The following MBNL1 variants were observed in gnomAD, a reference collection of about 807,000 sequenced individuals.
MBNL1 encodes the protein muscleblind like splicing regulator 1.
MBNL1 carries 8 observed loss-of-function variants against 42.2 expected under a neutral mutation model. The ratio of observed to expected loss-of-function variants is 0.19; its 90% CI spans 0.11 to 0.34. The LOEUF is 0.34. Among genes scored for constraint, MBNL1 ranks in the 10% least tolerant of loss-of-function variants. The pLI, the probability that MBNL1 is intolerant of heterozygous loss-of-function variation, is 1.00. For synonymous variants in MBNL1, 169 were observed against 173.9 expected (o/e 0.97, Z 0.22); for missense variants, 309 against 495.3 (o/e 0.62, Z 3.57).
intron 2 of MBNL1, among the ~76,000 whole-genome samples, chr3:152,400,168 T>C (rs1197123244): frequency 2.6e-5 from 4 of 152,196 alleles, no homozygotes; most frequent in African/African-American, 7.2e-5. Context: ...TGGTAGACGT[T>C]GTAATTACCT....
chr3:152,332,517 G>A (rs755676428), intron 2 of MBNL1, among the ~76,000 whole-genome samples: 1 of 152,106 alleles, frequency 6.6e-6, no homozygotes, highest in Non-Finnish European at 1.5e-5. Flanking sequence ...AATAATTGAA[G>A]GTAAATAAAC....
chr3:152,367,316 T>C (rs954169432), intron 2 of MBNL1, among the ~76,000 whole-genome samples: 1 of 152,128 alleles, frequency 6.6e-6, no homozygotes, highest in Non-Finnish European at 1.5e-5. Context: ...CTGAGAATGA[T>C]GGTTTCCAGC....
At chr3:152,426,317 C>T (rs1348876120) in intron 3 of MBNL1, among the ~76,000 whole-genome samples, 2 of 152,034 alleles carry the variant, frequency 1.3e-5, no homozygotes, top group African/African-American at 4.8e-5. Flanking sequence ...CAAACCTGCA[C>T]GTTCTGCACA....
chr3:152,338,215 T>C, intron 2 of MBNL1: 4 of 985,452 alleles, frequency 4.1e-6, no homozygotes, highest in Non-Finnish European at 4.8e-6. Context: ...TCTCCATTGC[T>C]TCTTGTGTTC....
intron 1 of MBNL1, among the ~76,000 whole-genome samples, chr3:152,286,530 ATATATTTTATTTATAATATAAATATT>A (rs1211393114): frequency 4.5e-4 from 64 of 141,580 alleles, no homozygotes; most frequent in East Asian, 1.6e-3. Flanking sequence ...TATAATATAA[ATATATTTTATTTATAATATAAATATT>A]TATATTTTAT....
chr3:152,370,833 C>CT (rs34497504), intron 2 of MBNL1, among the ~76,000 whole-genome samples: 115 of 145,264 alleles, frequency 7.9e-4, no homozygotes, highest in Middle Eastern at 3.5e-3. Context: ...GCAACCCCTG[C>CT]TTTTTTTTTT....
chr3:152,424,896 T>C (rs1344325756), intron 3 of MBNL1, among the ~76,000 whole-genome samples: 1 of 152,106 alleles, frequency 6.6e-6, no homozygotes, highest in East Asian at 1.9e-4. Flanking sequence ...TGGACCCCTT[T>C]CTTGCACCTT....
At chr3:152,324,333 T>G (rs945608957) in intron 2 of MBNL1, among the ~76,000 whole-genome samples, 1 of 152,298 alleles carries the variant, frequency 6.6e-6, no homozygotes, top group Non-Finnish European at 1.5e-5. Flanking sequence ...ACAAGAGAGA[T>G]AGCAGTTTTG....
At position 152,445,269 on chromosome 3, in the gene MBNL1, A is replaced by G. The variant is rs762070648; in HGVS notation, c.550-13A>G. On this transcript the variant is annotated splice_polypyrimidine_tract_variant and intron_variant, in intron 4 of 9. Coordinates refer to ENST00000324210, the MANE Select transcript of MBNL1 (RefSeq NM_021038.5). The stretch of plus-strand genomic sequence containing the variant: ...CATGTTGACTAAACCTCATGTACTT[A>G]ATGACCTCATAGGTATGTCGAGAGT... 1 of 1,606,940 alleles carries G rather than the reference A, an allele frequency of 6.2e-7. No individual in the cohort carries two copies. Among genetic ancestry groups the G allele is most frequent in the African/African-American group, 1.3e-5 (1 of 74,810 alleles).
intron 2 of MBNL1, among the ~76,000 whole-genome samples, chr3:152,404,701 T>C (rs1436942349): frequency 1.3e-5 from 2 of 151,028 alleles, no homozygotes; most frequent in African/African-American, 2.4e-5. Flanking sequence ...CATATATATG[T>C]ATGTATATAT....
chr3:152,437,211 A>C (rs996357020), intron 4 of MBNL1, among the ~76,000 whole-genome samples: 3 of 152,022 alleles, frequency 2.0e-5, no homozygotes, highest in Non-Finnish European at 4.4e-5. Context: ...GAGGTGAAAA[A>C]TTTTCGGAAT....
chr3:152,275,307 A>G (rs913950176), intron 1 of MBNL1, among the ~76,000 whole-genome samples: 9 of 152,260 alleles, frequency 5.9e-5, no homozygotes, highest in African/African-American at 2.2e-4. Flanking sequence ...TCCCCTATCA[A>G]AGGCCCCCTT....
At chr3:152,337,304 GTC>G (rs2090911342) in intron 2 of MBNL1, among the ~76,000 whole-genome samples, 1 of 152,144 alleles carries the variant, frequency 6.6e-6, no homozygotes, top group African/African-American at 2.4e-5. Flanking sequence ...ACAGTGATTA[GTC>G]TATCTGACAG....
Position 152,460,623 on chromosome 3 carries a change from C to CA in MBNL1, c.*18+1289dup, listed in dbSNP as rs1056514938. ...AAAACTTAAAGTATAAAAAAAAAAACAAAAAAAAAAACCACTGTCTTAAAT... is the reference window on the plus strand; with the variant it reads ...AAAACTTAAAGTATAAAAAAAAAAACAAAAAAAAAAAACCACTGTCTTAAAT... On this transcript the variant is annotated intron_variant, in intron 9 of 9. Transcript: ENST00000324210. Among the ~76,000 whole-genome samples, 232 of 135,982 alleles carry CA rather than the reference C, an allele frequency of 1.7e-3. 1 individual carries two copies. The highest frequency in any genetic ancestry group is 0.016 in the East Asian group (73 of 4,544). 89.2% of individuals were successfully genotyped at this position (135,982 alleles called of 152,430 possible). A position where few individuals can be genotyped will look rare whatever the true frequency, so the allele number is the denominator to read the frequency against.
chr3:152,420,362 G>C (rs911178000), intron 3 of MBNL1, among the ~76,000 whole-genome samples: 5 of 152,144 alleles, frequency 3.3e-5, no homozygotes, highest in African/African-American at 1.2e-4. Flanking sequence ...CTTCATATAG[G>C]AAAGCTCCAG....
At chr3:152,436,446 G>A (rs1350271221) in intron 4 of MBNL1, among the ~76,000 whole-genome samples, 1 of 152,144 alleles carries the variant, frequency 6.6e-6, no homozygotes, top group Non-Finnish European at 1.5e-5. Context: ...AATGCTGTTT[G>A]CAGATGGATT....
intron 2 of MBNL1, among the ~76,000 whole-genome samples, chr3:152,368,294 C>T (rs1480212757): frequency 1.3e-5 from 2 of 152,054 alleles, no homozygotes; most frequent in Non-Finnish European, 2.9e-5. Context: ...TTGTTTTTGT[C>T]AGGTTTGTCA....
chr3:152,275,125 A>G (rs1319557100), intron 1 of MBNL1, among the ~76,000 whole-genome samples: 1 of 152,230 alleles, frequency 6.6e-6, no homozygotes, highest in African/African-American at 2.4e-5. Flanking sequence ...TTTGATTACA[A>G]CAGTGACATT....
At chr3:152,350,969 G>A (rs1487326806) in intron 2 of MBNL1, among the ~76,000 whole-genome samples, 1 of 152,044 alleles carries the variant, frequency 6.6e-6, no homozygotes, top group South Asian at 2.1e-4. Flanking sequence ...CCTGCCTATC[G>A]ATCATAGTAC....
Sources: gnomAD v4.1 joint callset for allele counts (sites outside exome capture counted in the v4.1 genomes callset) on GRCh38, gnomAD v4.1.1 for gene constraint, MANE v1.5 for transcripts, NCBI Gene and HGNC (gene_info 2026-07-23, HGNC 2026-07-21) for gene names.